The following NEGR1 variants were observed in gnomAD, a reference collection of about 807,000 sequenced individuals.
The protein encoded by NEGR1 is IgLON family member 4.
A neutral mutation model predicts 40.9 loss-of-function variants in NEGR1; 10 were observed. That is an observed-to-expected ratio of 0.24 (90% CI 0.15 to 0.42). The LOEUF (loss-of-function observed/expected upper bound fraction) is 0.42. Ranked by LOEUF, NEGR1 falls within the 10% of genes least tolerant of loss-of-function variation. The pLI is 1.00. For synonymous variants in NEGR1, 185 were observed against 166.8 expected, an observed-to-expected ratio of 1.11 and a Z score of -0.84; for missense variants, 352 against 438.9, an observed-to-expected ratio of 0.80 and a Z score of 1.77.
chr1:72,273,168 G>C (rs1655907073), intron 1 of NEGR1, among the ~76,000 whole-genome samples: 1 of 151,988 alleles, frequency 6.6e-6, no homozygotes, highest in Non-Finnish European at 1.5e-5. Context: ...AAGTACTGCT[G>C]ACCTACCTCT....
intron 4 of NEGR1, among the ~76,000 whole-genome samples, chr1:71,625,684 A>G (rs964685414): frequency 2.0e-5 from 3 of 151,406 alleles, no homozygotes; most frequent in Non-Finnish European, 2.9e-5. Context: ...TTTTATATAT[A>G]TTTAAATAAA....
chr1:72,009,875 A>G (rs563783974), intron 1 of NEGR1, among the ~76,000 whole-genome samples: 84 of 152,234 alleles, frequency 5.5e-4, no homozygotes, highest in African/African-American at 2.0e-3. Flanking sequence ...GAAATAGCTA[A>G]ATACAGGGGT....
At chr1:71,522,019 G>A (rs1479125470) in intron 6 of NEGR1, among the ~76,000 whole-genome samples, 1 of 151,920 alleles carries the variant, frequency 6.6e-6, no homozygotes, top group Non-Finnish European at 1.5e-5. Flanking sequence ...GTAATGAACT[G>A]AAAGCCTTTG....
intron 6 of NEGR1, among the ~76,000 whole-genome samples, chr1:71,539,909 T>C (rs961743406): frequency 5.3e-5 from 8 of 151,780 alleles, no homozygotes; most frequent in Non-Finnish European, 5.9e-5. Context: ...TATTCAAAGT[T>C]GCTCCAATAT....
chr1:72,146,850 C>T (rs1284936483), intron 1 of NEGR1, among the ~76,000 whole-genome samples: 1 of 152,186 alleles, frequency 6.6e-6, no homozygotes, highest in Non-Finnish European at 1.5e-5. Flanking sequence ...ATGCCATTTA[C>T]AGGTAATCAC....
intron 1 of NEGR1, among the ~76,000 whole-genome samples, chr1:71,968,547 A>G (rs1646229851): frequency 6.6e-6 from 1 of 152,210 alleles, no homozygotes. Flanking sequence ...TTTACTTTAA[A>G]GGGGGAATAA....
At chr1:72,273,268 C>A (rs940168313) in intron 1 of NEGR1, among the ~76,000 whole-genome samples, 2 of 152,066 alleles carry the variant, frequency 1.3e-5, no homozygotes, top group Admixed American at 6.6e-5. Flanking sequence ...ATATTAACAG[C>A]AAATTCTTTC....
intron 1 of NEGR1, among the ~76,000 whole-genome samples, chr1:72,275,790 TCAC>T (rs1224838359): frequency 6.6e-6 from 1 of 152,066 alleles, no homozygotes; most frequent in Non-Finnish European, 1.5e-5. Flanking sequence ...AACGAGAAGG[TCAC>T]CACATCATCT....
chr1:71,639,447 G>A (rs1324852391), intron 4 of NEGR1, among the ~76,000 whole-genome samples: 1 of 152,032 alleles, frequency 6.6e-6, no homozygotes, highest in African/African-American at 2.4e-5. Context: ...TGCTGAAGAT[G>A]TTTTGTCAAT....
chr1:72,008,145 T>C (rs986197455), intron 1 of NEGR1, among the ~76,000 whole-genome samples: 4 of 152,110 alleles, frequency 2.6e-5, no homozygotes, highest in Admixed American at 1.3e-4. Flanking sequence ...ACGTGTTCAT[T>C]GGTGTTTTTA....
Position 71,857,681 on chromosome 1 carries a change from C to T in NEGR1, c.409+77398G>A, listed in dbSNP as rs972281809. 2.8e-5 allele frequency among the ~76,000 whole-genome samples: 4 copies of T among 144,836 alleles called. No homozygotes were observed. In the Admixed American group the frequency reaches 2.8e-4, roughly 10 times the overall value. The stretch of plus-strand genomic sequence containing the variant: ...ATTGAACCACAATCTTCCTTGGATT[C>T]GTAAGAGAATGTATGTGAAAATGCT... On this transcript the variant is annotated intron_variant, in intron 2 of 6. Transcript: ENST00000357731.
intron 6 of NEGR1, among the ~76,000 whole-genome samples, chr1:71,503,768 C>T (rs1376392757): frequency 6.6e-6 from 1 of 151,938 alleles, no homozygotes; most frequent in Admixed American, 6.6e-5. Flanking sequence ...TCCTAGGACC[C>T]AGCTTTTACA....
intron 1 of NEGR1, among the ~76,000 whole-genome samples, chr1:72,194,219 ATATATAT>A (rs1454327151): frequency 6.6e-6 from 1 of 151,852 alleles, no homozygotes; most frequent in African/African-American, 2.4e-5. Flanking sequence ...GACCCTGATA[ATATATAT>A]TATATAATAT....
At chr1:72,031,992 A>C (rs1646862510) in intron 1 of NEGR1, among the ~76,000 whole-genome samples, 1 of 152,230 alleles carries the variant, frequency 6.6e-6, no homozygotes, top group African/African-American at 2.4e-5. Flanking sequence ...TCCAGATTTA[A>C]TGACAAAAAC....
chr1:71,990,300 T>C (rs1193743512), intron 1 of NEGR1, among the ~76,000 whole-genome samples: 1 of 152,178 alleles, frequency 6.6e-6, no homozygotes, highest in Non-Finnish European at 1.5e-5. Context: ...CAATTATGAA[T>C]TCTTCAATAA....
chr1:71,778,486 T>C (rs1656588686), intron 2 of NEGR1, among the ~76,000 whole-genome samples: 1 of 152,184 alleles, frequency 6.6e-6, no homozygotes, highest in Admixed American at 6.5e-5. Flanking sequence ...TTAAGTGTAT[T>C]AATTGCATTT....
At chr1:72,094,081 T>C (rs533233035) in intron 1 of NEGR1, among the ~76,000 whole-genome samples, 261 of 152,298 alleles carry the variant, frequency 1.7e-3, no homozygotes, top group African/African-American at 6.0e-3. Flanking sequence ...CTTACTGAAG[T>C]AAAAGATCAG....
intron 1 of NEGR1, among the ~76,000 whole-genome samples, chr1:72,201,328 A>G (rs554570844): frequency 6.6e-6 from 1 of 151,066 alleles, no homozygotes; most frequent in Admixed American, 6.6e-5. Context: ...TTTATTTTAT[A>G]TTTATTTTAT....
chr1:71,454,048 A>G (rs1044903107), intron 6 of NEGR1, among the ~76,000 whole-genome samples: 4 of 152,180 alleles, frequency 2.6e-5, no homozygotes, highest in African/African-American at 9.7e-5. Context: ...ATAATTCATG[A>G]GCTCACTTTC....
Sources: allele counts gnomAD v4.1 joint callset (sites outside exome capture counted in the v4.1 genomes callset), GRCh38; gene constraint gnomAD v4.1.1; transcripts MANE v1.5; gene names NCBI Gene and HGNC (gene_info 2026-07-23, HGNC 2026-07-21).